Variants in ROR2 observed in about 807,000 individuals in gnomAD.
The protein encoded by ROR2 is tyrosine-protein kinase transmembrane receptor ROR2.
Under a neutral mutation model 74.9 loss-of-function variants are expected in ROR2, and 33 were observed. That is an observed-to-expected ratio of 0.44 (90% confidence interval 0.33 to 0.59). The LOEUF is 0.59. Ranked by LOEUF, ROR2 falls within the 20% of genes least tolerant of loss-of-function variation. The pLI is 0.02. For synonymous variants in ROR2, 586 were observed against 558.7 expected (o/e 1.05, Z -0.69); for missense variants, 1,216 against 1,313.8 (o/e 0.93, Z 1.15).
rs1421722831 is a variant in ROR2, at chr9:91,724,148, G to A, written c.2346C>T (p.Ser782=). 2 of 1,611,514 alleles carry A rather than the reference G, an allele frequency of 1.2e-6. No individual in the cohort carries two copies. Among genetic ancestry groups the A allele is most frequent in the Admixed American group, 1.7e-5 (1 of 60,026 alleles). The change falls in exon 9 of 9, where the codon AGC becomes AGT. Residue 782 remains serine (S), a synonymous_variant. Coordinates refer to ENST00000375708, the MANE Select transcript of ROR2 (RefSeq NM_004560.4). ...SLSTSPVSNV[S]NARYVGPKQK... ...GCTTGGGCCCCACGTAGCGGGCGTT[G>A]CTCACATTGCTCACTGGGCTGGTGC...
intron 1 of ROR2, among the ~76,000 whole-genome samples, chr9:91,886,068 T>C (rs142322078): frequency 6.6e-6 from 1 of 152,126 alleles, no homozygotes; most frequent in African/African-American, 2.4e-5. Flanking sequence ...AGAGACGGGA[T>C]TTCACCATGT....
chr9:91,804,057 T>G (rs1302436221), intron 1 of ROR2, among the ~76,000 whole-genome samples: 1 of 152,200 alleles, frequency 6.6e-6, no homozygotes, highest in African/African-American at 2.4e-5. Context: ...TTCTGACCTT[T>G]TGACATTAGG....
chr9:91,874,995 C>T (rs192551672), intron 1 of ROR2, among the ~76,000 whole-genome samples: 1 of 151,526 alleles, frequency 6.6e-6, no homozygotes, highest in Non-Finnish European at 1.5e-5. Context: ...CACCAAAAAG[C>T]CTTGGCCTAC....
intron 2 of ROR2, among the ~76,000 whole-genome samples, chr9:91,760,083 C>T (rs1353455415): frequency 1.3e-5 from 2 of 152,238 alleles, no homozygotes; most frequent in Admixed American, 6.5e-5. Context: ...GTCCCTTGCT[C>T]TCTCCAAAGC....
At chr9:91,881,953 G>A (rs555972534) in intron 1 of ROR2, among the ~76,000 whole-genome samples, 5 of 152,158 alleles carry the variant, frequency 3.3e-5, no homozygotes, top group Admixed American at 1.3e-4. Flanking sequence ...AGTATGTGTC[G>A]GGCATCTATC....
chr9:91,840,134 G>A lies in ROR2; in HGVS notation c.98-64316C>T, dbSNP rs542914797. Among the ~76,000 whole-genome samples the A allele has an allele frequency of 2.6e-5, 4 of 152,266 alleles. No homozygotes were observed. The East Asian group carries it at 5.8e-4, about 22-fold the overall frequency. On this transcript the variant is annotated intron_variant, in intron 1 of 8. Coordinates refer to ENST00000375708, the MANE Select transcript of ROR2 (RefSeq NM_004560.4). ...ACCTGGCTGCTTAAGGGGCACTCCCGAGGCCCCGCTGTCCTGGGAGGCACA... is the reference window on the plus strand; with the variant it reads ...ACCTGGCTGCTTAAGGGGCACTCCCAAGGCCCCGCTGTCCTGGGAGGCACA...
In ROR2 at chr9:91,733,010, T is replaced by C. The variant is rs1564237522; in HGVS notation, c.937+112A>G. 2.7e-6 allele frequency: 3 copies of C among 1,096,884 alleles called. No individual in the cohort carries two copies. The East Asian group carries it at 7.8e-5, about 29-fold the overall frequency. The allele number at this position is 1,096,884 out of a possible 1,614,324, so 67.9% of individuals were successfully genotyped here. A position where few individuals can be genotyped will look rare whatever the true frequency, so the allele number is the denominator to read the frequency against. On this transcript the variant is annotated intron_variant, in intron 6 of 8. Coordinates refer to ENST00000375708, the MANE Select transcript of ROR2 (RefSeq NM_004560.4). The surrounding 1 kb of genome is among the most constrained non-coding windows in gnomAD (Gnocchi z 5.7). ...GCCCTCGGCTGCTAAGGGGGTTCTG[T>C]GGGGCCTGGACAGATGGGGCTCCCT...
intron 1 of ROR2, among the ~76,000 whole-genome samples, chr9:91,809,585 C>T (rs1298217275): frequency 1.3e-5 from 2 of 152,372 alleles, no homozygotes; most frequent in African/African-American, 2.4e-5. Context: ...TAGCACCAAC[C>T]GGGCAGGTCC....
chr9:91,893,283 T>C (rs1375929863), intron 1 of ROR2, among the ~76,000 whole-genome samples: 2 of 151,938 alleles, frequency 1.3e-5, no homozygotes, highest in East Asian at 1.9e-4. Context: ...AATCTAAAAA[T>C]ACAAAAATTA....
At chr9:91,786,354 G>GTAAATAAA (rs35820427) in intron 1 of ROR2, among the ~76,000 whole-genome samples, 10 of 148,598 alleles carry the variant, frequency 6.7e-5, no homozygotes, top group African/African-American at 2.0e-4. Flanking sequence ...CAATCAATAA[G>GTAAATAAA]TAAATAAATA....
chr9:91,904,056 G>A (rs916216891), intron 1 of ROR2, among the ~76,000 whole-genome samples: 3 of 151,182 alleles, frequency 2.0e-5, no homozygotes, highest in Admixed American at 6.6e-5. Context: ...TTTTTTGGGG[G>A]GGGGGACAGA....
chr9:91,750,973 T>C (rs892948609), intron 4 of ROR2, among the ~76,000 whole-genome samples: 2 of 152,202 alleles, frequency 1.3e-5, no homozygotes, highest in African/African-American at 4.8e-5. Flanking sequence ...GATAATACCA[T>C]GTGCTAGAAA....
chr9:91,919,072 GT>G (rs1831207433), intron 1 of ROR2, among the ~76,000 whole-genome samples: 1 of 152,082 alleles, frequency 6.6e-6, no homozygotes. Context: ...TTTGCATCAT[GT>G]TTTAACACAT....
chr9:91,760,484 A>G (rs549704391), intron 2 of ROR2, among the ~76,000 whole-genome samples: 2 of 152,074 alleles, frequency 1.3e-5, no homozygotes, highest in Non-Finnish European at 2.9e-5. Flanking sequence ...ATAAAAAAAA[A>G]TTAGCCAGGC....
chr9:91,810,793 C>G (rs1396697983), intron 1 of ROR2, among the ~76,000 whole-genome samples: 1 of 152,160 alleles, frequency 6.6e-6, no homozygotes, highest in Non-Finnish European at 1.5e-5. Flanking sequence ...GTGGAGTCTA[C>G]GTTTGCGGGT....
chr9:91,737,877 T>A (rs991387378), intron 4 of ROR2, among the ~76,000 whole-genome samples: 2 of 152,318 alleles, frequency 1.3e-5, no homozygotes, highest in Non-Finnish European at 2.9e-5. Flanking sequence ...AGAGCCAATC[T>A]GAAGGCTACA....
At chr9:91,906,322 C>T (rs1830817328) in intron 1 of ROR2, among the ~76,000 whole-genome samples, 1 of 152,148 alleles carries the variant, frequency 6.6e-6, no homozygotes, top group Non-Finnish European at 1.5e-5. Flanking sequence ...TCTACCCTGA[C>T]CCACAGAACA....
chr9:91,765,121 T>C (rs1452031682), intron 2 of ROR2, among the ~76,000 whole-genome samples: 2 of 152,228 alleles, frequency 1.3e-5, no homozygotes, highest in Admixed American at 6.5e-5. Flanking sequence ...TTTCATAAAA[T>C]ATTAAATATC....
chr9:91,790,610 A>G (rs1826939938), intron 1 of ROR2, among the ~76,000 whole-genome samples: 1 of 152,280 alleles, frequency 6.6e-6, no homozygotes, highest in Non-Finnish European at 1.5e-5. Flanking sequence ...TGTACTTACT[A>G]TACTATACTT....
Sources: gnomAD v4.1 joint callset for allele counts (sites outside exome capture counted in the v4.1 genomes callset) on GRCh38, gnomAD v4.1.1 for gene constraint, Gnocchi (gnomAD v3.1) non-coding constraint, MANE v1.5 for transcripts, NCBI Gene and HGNC (gene_info 2026-07-23, HGNC 2026-07-21) for gene names.